MOXD1: variants seen among roughly 807,000 people sequenced by gnomAD.
MOXD1 encodes the protein DBH-like monooxygenase protein 1.
Under a neutral mutation model 66.6 loss-of-function variants are expected in MOXD1, and 62 were observed. The ratio of observed to expected loss-of-function variants is 0.93; its 90% CI spans 0.76 to 1.15. MOXD1 has a LOEUF of 1.15. MOXD1 is among the 50% of genes most tolerant of loss of function. MOXD1 has a pLI of 0.00. For synonymous variants in MOXD1, 303 were observed against 281.9 expected, an observed-to-expected ratio of 1.07 and a Z score of -0.75; for missense variants, 847 against 754.6, an observed-to-expected ratio of 1.12 and a Z score of -1.44.
intron 10 of MOXD1, among the ~76,000 whole-genome samples, chr6:132,308,922 G>A (rs1774758405): frequency 1.3e-5 from 2 of 152,254 alleles, no homozygotes; most frequent in African/African-American, 2.4e-5. Context: ...CATATTGAAT[G>A]GGCAAAAGCT....
chr6:132,382,853 C>T (rs59334074), intron 1 of MOXD1, among the ~76,000 whole-genome samples: 7,582 of 152,236 alleles, frequency 0.05, 215 homozygotes, highest in Middle Eastern at 0.099. Flanking sequence ...AAAAACCTTG[C>T]TATGACCTCT....
intron 1 of MOXD1, among the ~76,000 whole-genome samples, chr6:132,396,624 C>T (rs1776885453): frequency 6.6e-6 from 1 of 151,490 alleles, no homozygotes; most frequent in Non-Finnish European, 1.5e-5. Flanking sequence ...ACTTGATAAA[C>T]AACTTGCTAG....
chr6:132,400,349 A>G (rs1368490410), intron 1 of MOXD1, among the ~76,000 whole-genome samples: 1 of 152,136 alleles, frequency 6.6e-6, no homozygotes, highest in Non-Finnish European at 1.5e-5. Context: ...GGTCACGATC[A>G]AGCAAGGATG....
chr6:132,317,271 A>G, intron 9 of MOXD1, among the ~76,000 whole-genome samples: 1 of 152,178 alleles, frequency 6.6e-6, no homozygotes, highest in East Asian at 1.9e-4. Context: ...CTAATATACA[A>G]TGATTTTACT....
At chr6:132,308,607 T>C (rs1309373543) in intron 10 of MOXD1, among the ~76,000 whole-genome samples, 1 of 152,166 alleles carries the variant, frequency 6.6e-6, no homozygotes, top group Non-Finnish European at 1.5e-5. Flanking sequence ...TGAACATCGA[T>C]GCGAAAATAC....
At chr6:132,363,296 T>C (rs1339130796) in intron 4 of MOXD1, among the ~76,000 whole-genome samples, 2 of 151,590 alleles carry the variant, frequency 1.3e-5, no homozygotes, top group Admixed American at 1.3e-4. Flanking sequence ...GTTGGTGATG[T>C]CACTATAAGT....
At chr6:132,386,615 C>G (rs1776651798) in intron 1 of MOXD1, among the ~76,000 whole-genome samples, 1 of 151,258 alleles carries the variant, frequency 6.6e-6, no homozygotes, top group African/African-American at 2.4e-5. Context: ...CTTGAATAAC[C>G]TGAAAGTGTA....
At chr6:132,310,251 A>G (rs1039228649) in intron 10 of MOXD1, among the ~76,000 whole-genome samples, 3 of 152,136 alleles carry the variant, frequency 2.0e-5, no homozygotes, top group Non-Finnish European at 4.4e-5. Context: ...AAAAAACTCA[A>G]CATCACTGAT....
chr6:132,386,171 G>A (rs1441847197), intron 1 of MOXD1, among the ~76,000 whole-genome samples: 1 of 144,656 alleles, frequency 6.9e-6, no homozygotes, highest in Non-Finnish European at 1.5e-5. Context: ...GGGAGGCCGA[G>A]GCGGGCGGAT....
At chr6:132,344,777 G>A (rs1775635962) in intron 4 of MOXD1, among the ~76,000 whole-genome samples, 1 of 152,096 alleles carries the variant, frequency 6.6e-6, no homozygotes, top group Non-Finnish European at 1.5e-5. Flanking sequence ...CAGCCACACT[G>A]GGGGACTGAC....
In MOXD1 at chr6:132,360,236, G is replaced by A. The variant is rs139021106; in HGVS notation, c.663+12372C>T. ...ACGTTTGGAGGCTAAACCAGCAAAA[G>A]TGTTTATGTCTGTTTACTTTTTAAA... On this transcript the variant is annotated intron_variant, in intron 4 of 11. Coordinates refer to ENST00000367963, the MANE Select transcript of MOXD1 (RefSeq NM_015529.4). Among the ~76,000 whole-genome samples the A allele has an allele frequency of 2.5e-3, 378 of 152,320 alleles. 1 individual carries two copies. Among genetic ancestry groups the A allele is most frequent in the Non-Finnish European group, 3.8e-3 (256 of 68,026 alleles).
chr6:132,392,140 C>T lies in MOXD1; in HGVS notation c.264+9023G>A, dbSNP rs925374536. 4.7e-6 allele frequency: 7 copies of T among 1,504,086 alleles called. No individual in the cohort carries two copies. In the African/African-American group the frequency reaches 7.0e-5, roughly 15 times the overall value. 93.2% of individuals were successfully genotyped at this position (1,504,086 alleles called of 1,614,324 possible). On this transcript the variant is annotated intron_variant, in intron 1 of 11. Coordinates refer to ENST00000367963, the MANE Select transcript of MOXD1 (RefSeq NM_015529.4). ...CTTTGTCGCCGTTGGCTGGGGTGTG[C>T]TTAAAAGAAGCACATCGTTAACCAC...
chr6:132,396,939 T>C (rs1325240036), intron 1 of MOXD1, among the ~76,000 whole-genome samples: 2 of 152,250 alleles, frequency 1.3e-5, no homozygotes, highest in African/African-American at 4.8e-5. Flanking sequence ...AATTCCCATG[T>C]GACTGTCTTC....
At chr6:132,379,184 A>G (rs988996520) in intron 1 of MOXD1, among the ~76,000 whole-genome samples, 3 of 152,076 alleles carry the variant, frequency 2.0e-5, no homozygotes, top group Non-Finnish European at 2.9e-5. Context: ...ATAATATAGC[A>G]TGATCATGCA....
At chr6:132,354,679 C>A (rs375190566) in intron 4 of MOXD1, among the ~76,000 whole-genome samples, 1 of 152,132 alleles carries the variant, frequency 6.6e-6, no homozygotes, top group Admixed American at 6.5e-5. Flanking sequence ...TGTGGTGGTA[C>A]GAAGAGGAAG....
intron 9 of MOXD1, 119 bp from the exon 10 acceptor site, chr6:132,315,896 C>G: frequency 1.9e-6 from 2 of 1,058,382 alleles, no homozygotes; most frequent in Non-Finnish European, 2.7e-6. Context: ...CATCTTAAAG[C>G]TGAAAAGTTA....
chr6:132,306,986 T>A (rs1392844902), intron 10 of MOXD1, among the ~76,000 whole-genome samples: 2 of 152,160 alleles, frequency 1.3e-5, no homozygotes, highest in African/African-American at 4.8e-5. Flanking sequence ...AGCAGCATGA[T>A]GACAGGATCA....
At chr6:132,351,299 T>C (rs543576647) in intron 4 of MOXD1, among the ~76,000 whole-genome samples, 1 of 152,260 alleles carries the variant, frequency 6.6e-6, no homozygotes, top group South Asian at 2.1e-4. Flanking sequence ...GCTTTTATTA[T>C]ATTGAGGTAT....
At chr6:132,323,882 G>A (rs1260308130) in intron 7 of MOXD1, 49 bp downstream of exon 7, 31 of 1,492,006 alleles carry the variant, frequency 2.1e-5, no homozygotes, top group Non-Finnish European at 2.7e-5. Context: ...CAGTTTCTAA[G>A]AGCATTGATG....
Sources: allele counts gnomAD v4.1 joint callset (sites outside exome capture counted in the v4.1 genomes callset), GRCh38; gene constraint gnomAD v4.1.1; transcripts MANE v1.5; gene names NCBI Gene and HGNC (gene_info 2026-07-23, HGNC 2026-07-21).